SLC35F3: variants seen among roughly 807,000 people sequenced by gnomAD.
The protein encoded by SLC35F3 is putative thiamine transporter SLC35F3.
Under a neutral mutation model 49.9 loss-of-function variants are expected in SLC35F3, and 25 were observed. That is an observed-to-expected ratio of 0.50 (90% CI 0.37 to 0.70). The LOEUF is 0.70. Among genes scored for constraint, SLC35F3 ranks in the 30% least tolerant of loss-of-function variants. SLC35F3 has a pLI of 0.00. For missense variants in SLC35F3, 525 were observed against 639.8 expected (o/e 0.82, Z 1.94); for synonymous variants, 275 against 265.4 (o/e 1.04, Z -0.35).
chr1:233,927,412 T>G (rs139924820), intron 2 of SLC35F3, among the ~76,000 whole-genome samples: 1 of 152,262 alleles, frequency 6.6e-6, no homozygotes, highest in East Asian at 1.9e-4. Context: ...TTTTCAAAAT[T>G]TATACCTATA....
intron 2 of SLC35F3, among the ~76,000 whole-genome samples, chr1:233,945,953 C>A (rs915397200): frequency 2.6e-5 from 4 of 152,198 alleles, no homozygotes; most frequent in African/African-American, 9.7e-5. Context: ...CCAAAAGCTA[C>A]CACTTTGGGG....
intron 2 of SLC35F3, among the ~76,000 whole-genome samples, chr1:234,023,695 T>C (rs1197451455): frequency 6.6e-6 from 1 of 151,990 alleles, no homozygotes; most frequent in Non-Finnish European, 1.5e-5. Context: ...CTCAGGCAAG[T>C]CATCAGGGTC....
At chr1:234,110,371 C>T (rs559917745) in intron 2 of SLC35F3, among the ~76,000 whole-genome samples, 5 of 152,338 alleles carry the variant, frequency 3.3e-5, no homozygotes, top group Middle Eastern at 3.4e-3. Flanking sequence ...GTTCTCAAAT[C>T]AGCCGACAGG....
chr1:233,920,913 T>G (rs1248030176), intron 2 of SLC35F3, among the ~76,000 whole-genome samples: 2 of 152,162 alleles, frequency 1.3e-5, no homozygotes, highest in African/African-American at 4.8e-5. Flanking sequence ...AACAAATCTT[T>G]CCCTGATTGA....
intron 2 of SLC35F3, among the ~76,000 whole-genome samples, chr1:233,979,769 G>A (rs771430289): frequency 1.3e-5 from 2 of 152,198 alleles, no homozygotes; most frequent in Non-Finnish European, 2.9e-5. Context: ...TGAACAGGCT[G>A]CACCGGTCTG....
intron 3 of SLC35F3, among the ~76,000 whole-genome samples, chr1:234,256,907 G>C (rs906166389): frequency 5.3e-5 from 8 of 152,206 alleles, no homozygotes; most frequent in Non-Finnish European, 7.3e-5. Context: ...ACGCTTCTCA[G>C]CCTGTCCCAG....
intron 2 of SLC35F3, among the ~76,000 whole-genome samples, chr1:233,963,505 G>T (rs1271882669): frequency 6.6e-6 from 1 of 152,040 alleles, no homozygotes; most frequent in African/African-American, 2.4e-5. Flanking sequence ...GTTTCACCAT[G>T]TTAGCCAGGA....
chr1:233,952,288 C>T (rs1662620630), intron 2 of SLC35F3, among the ~76,000 whole-genome samples: 1 of 152,106 alleles, frequency 6.6e-6, no homozygotes, highest in African/African-American at 2.4e-5. Context: ...CTTTATCTGC[C>T]ATTTGCTTTT....
At chr1:234,280,684 C>G (rs1393838092) in intron 3 of SLC35F3, among the ~76,000 whole-genome samples, 1 of 152,218 alleles carries the variant, frequency 6.6e-6, no homozygotes, top group Non-Finnish European at 1.5e-5. Flanking sequence ...CATTTCTCAG[C>G]ACTCACCACG....
chr1:233,945,352 T>C (rs1255338034), intron 2 of SLC35F3, among the ~76,000 whole-genome samples: 1 of 152,192 alleles, frequency 6.6e-6, no homozygotes, highest in Non-Finnish European at 1.5e-5. Flanking sequence ...GTGGAAATTA[T>C]TAATTCAGCA....
At chr1:234,268,118 G>A (rs1172317442) in intron 3 of SLC35F3, among the ~76,000 whole-genome samples, 3 of 152,032 alleles carry the variant, frequency 2.0e-5, no homozygotes, top group Non-Finnish European at 4.4e-5. Context: ...GGGAGGTGGA[G>A]GTTGTAGCGA....
At chr1:234,065,297 C>T (rs1015302951) in intron 2 of SLC35F3, among the ~76,000 whole-genome samples, 3 of 152,116 alleles carry the variant, frequency 2.0e-5, no homozygotes, top group African/African-American at 7.2e-5. Context: ...CAGACGCGTG[C>T]CACCACGCCC....
chr1:234,288,755 G>A (rs775034815), intron 3 of SLC35F3, among the ~76,000 whole-genome samples: 5 of 152,208 alleles, frequency 3.3e-5, no homozygotes, highest in Non-Finnish European at 5.9e-5. Context: ...AAAGATTCTA[G>A]AAGATGCATA....
At chr1:234,066,037 C>G (rs547955797) in intron 2 of SLC35F3, among the ~76,000 whole-genome samples, 4 of 152,066 alleles carry the variant, frequency 2.6e-5, no homozygotes, top group Non-Finnish European at 4.4e-5. Flanking sequence ...CCTGGTGGCA[C>G]GATTCTGCTC....
At chr1:234,131,447 C>T (rs971025931) in intron 2 of SLC35F3, among the ~76,000 whole-genome samples, 1 of 152,152 alleles carries the variant, frequency 6.6e-6, no homozygotes, top group Non-Finnish European at 1.5e-5. Flanking sequence ...ACCCAGCCCC[C>T]CTTCCCCCCA....
intron 2 of SLC35F3, among the ~76,000 whole-genome samples, chr1:234,196,145 G>C (rs1006261746): frequency 2.6e-5 from 4 of 152,112 alleles, no homozygotes; most frequent in African/African-American, 9.7e-5. Context: ...CCTAGGACAC[G>C]CCCACCAGTG....
At chr1:234,097,884 A>T (rs1665147669) in intron 2 of SLC35F3, among the ~76,000 whole-genome samples, 1 of 152,246 alleles carries the variant, frequency 6.6e-6, no homozygotes, top group South Asian at 2.1e-4. Context: ...TTGCACATTC[A>T]AGACACTTGC....
intron 2 of SLC35F3, among the ~76,000 whole-genome samples, chr1:234,033,772 T>A (rs1034616186): frequency 6.6e-6 from 1 of 152,208 alleles, no homozygotes; most frequent in Admixed American, 6.5e-5. Context: ...CTTATAGTAG[T>A]TTGAAGTCAG....
intron 2 of SLC35F3, among the ~76,000 whole-genome samples, chr1:234,121,758 C>T (rs1665578481): frequency 6.6e-6 from 1 of 152,182 alleles, no homozygotes; most frequent in Non-Finnish European, 1.5e-5. Context: ...GTTCCCTGCC[C>T]TGTGTCCAGG....
Sources: gnomAD v4.1 joint callset for allele counts (sites outside exome capture counted in the v4.1 genomes callset) on GRCh38, gnomAD v4.1.1 for gene constraint, MANE v1.5 for transcripts, NCBI Gene and HGNC (gene_info 2026-07-23, HGNC 2026-07-21) for gene names.